Variants in SLX4IP observed in about 807,000 individuals in gnomAD.
The protein encoded by SLX4IP is protein SLX4IP.
SLX4IP carries 34 observed loss-of-function variants against 32.9 expected under a neutral mutation model. The ratio of observed to expected loss-of-function variants is 1.03; its 90% CI spans 0.79 to 1.38. SLX4IP has a LOEUF of 1.38. Ranked by LOEUF, SLX4IP falls within the 40% of genes most tolerant of loss-of-function variation. The pLI, the probability that SLX4IP is intolerant of heterozygous loss-of-function variation, is 0.00. For synonymous variants in SLX4IP, 172 were observed against 171.7 expected, an observed-to-expected ratio of 1.00 and a Z score of -0.01; for missense variants, 444 against 479.0, an observed-to-expected ratio of 0.93 and a Z score of 0.68.
chr20:10,560,504 C>T (rs796140327), intron 3 of SLX4IP, among the ~76,000 whole-genome samples, 196 bp from the exon 4 acceptor site: 2 of 152,308 alleles, frequency 1.3e-5, no homozygotes, highest in African/African-American at 4.8e-5. Context: ...GAGCCAACAT[C>T]ATGGTTTCGA....
chr20:10,464,361 T>G (rs2065363205), intron 2 of SLX4IP, among the ~76,000 whole-genome samples: 1 of 152,106 alleles, frequency 6.6e-6, no homozygotes, highest in Non-Finnish European at 1.5e-5. Context: ...TATGTGTCTA[T>G]GCATTAATAT....
At chr20:10,474,786 T>C (rs555138413) in intron 2 of SLX4IP, among the ~76,000 whole-genome samples, 205 of 151,950 alleles carry the variant, frequency 1.3e-3, no homozygotes, top group African/African-American at 4.7e-3. Flanking sequence ...GAATCAGAGG[T>C]GTTGGGGGTG....
At chr20:10,603,881 C>T (rs1317208719) in intron 6 of SLX4IP, among the ~76,000 whole-genome samples, 1 of 152,180 alleles carries the variant, frequency 6.6e-6, no homozygotes, top group Admixed American at 6.5e-5. Flanking sequence ...CCAACTACAC[C>T]ATCCTTCCAC....
At chr20:10,460,863 T>C (rs1381243575) in intron 2 of SLX4IP, among the ~76,000 whole-genome samples, 3 of 152,216 alleles carry the variant, frequency 2.0e-5, no homozygotes, top group Non-Finnish European at 4.4e-5. Flanking sequence ...CTGTCTTTCT[T>C]CTCTGATTGC....
chr20:10,547,854 T>C (rs751225322), intron 2 of SLX4IP, among the ~76,000 whole-genome samples: 102 of 152,162 alleles, frequency 6.7e-4, no homozygotes, highest in Non-Finnish European at 1.1e-3. Context: ...GTACTAGACA[T>C]TGACAACCCA....
intron 2 of SLX4IP, among the ~76,000 whole-genome samples, chr20:10,484,793 C>A (rs1393232420): frequency 1.3e-5 from 2 of 152,126 alleles, no homozygotes; most frequent in African/African-American, 4.8e-5. Context: ...CACAGGGCCT[C>A]ATATAATCCC....
At chr20:10,548,134 T>C in intron 2 of SLX4IP, among the ~76,000 whole-genome samples, 1 of 152,048 alleles carries the variant, frequency 6.6e-6, no homozygotes, top group East Asian at 1.9e-4. Flanking sequence ...AGAAAGGAGG[T>C]GGTTCAACGC....
chr20:10,577,310 C>T (rs2066534111), intron 4 of SLX4IP, among the ~76,000 whole-genome samples: 1 of 152,098 alleles, frequency 6.6e-6, no homozygotes, highest in African/African-American at 2.4e-5. Context: ...GCTTTCCCCC[C>T]TTCATTTTTA....
At chr20:10,504,868 G>A (rs896480556) in intron 2 of SLX4IP, among the ~76,000 whole-genome samples, 22 of 152,112 alleles carry the variant, frequency 1.4e-4, no homozygotes, top group East Asian at 9.7e-4. Context: ...TATTTATGCC[G>A]TTCTCATAGC....
intron 2 of SLX4IP, among the ~76,000 whole-genome samples, chr20:10,461,645 C>G (rs575502995): frequency 6.6e-5 from 10 of 152,240 alleles, no homozygotes; most frequent in Non-Finnish European, 1.3e-4. Flanking sequence ...CAGCAGGAGA[C>G]CTGCACACCT....
intron 2 of SLX4IP, among the ~76,000 whole-genome samples, chr20:10,548,244 CT>C (rs373925213): frequency 5.5e-4 from 82 of 149,258 alleles, no homozygotes; most frequent in Non-Finnish European, 9.1e-4. Flanking sequence ...TCCAGGGCTT[CT>C]TTTTTTTTTC....
chr20:10,469,376 G>C (rs1484394490), intron 2 of SLX4IP, among the ~76,000 whole-genome samples: 1 of 151,766 alleles, frequency 6.6e-6, no homozygotes, highest in African/African-American at 2.4e-5. Flanking sequence ...GTTCCACTTT[G>C]AAAATATTTT....
In SLX4IP at chr20:10,490,560, C is replaced by T. The variant is rs541808891; in HGVS notation, c.27+32329C>T. On this transcript the variant is annotated intron_variant, in intron 2 of 7. Transcript: ENST00000334534. ...AGTTAGTTTGTGAATTTTCCTGACT[C>T]TACTTCCTGCTCTTTTTTTGGGTAA... Among the ~76,000 whole-genome samples the T allele has an allele frequency of 2.6e-5, 4 of 152,280 alleles. No homozygotes were observed. The South Asian group carries it at 6.2e-4, about 24-fold the overall frequency.
At chr20:10,525,496 A>G (rs1336983620) in intron 2 of SLX4IP, among the ~76,000 whole-genome samples, 1 of 152,100 alleles carries the variant, frequency 6.6e-6, no homozygotes, top group African/African-American at 2.4e-5. Flanking sequence ...TTATATAAGT[A>G]TTTTTACCGC....
chr20:10,563,807 A>T (rs913366210), intron 4 of SLX4IP, among the ~76,000 whole-genome samples: 1 of 152,112 alleles, frequency 6.6e-6, no homozygotes, highest in Non-Finnish European at 1.5e-5. Flanking sequence ...TGGTTACTAT[A>T]GCTTTGTAGT....
In SLX4IP at chr20:10,618,284, G is replaced by A. The variant is rs2067062913; in HGVS notation, c.406-3030G>A. Reference sequence around the variant, plus strand: ...TAGGCTGCTTAGGTTGCTGAGGGAGGGTATCTCCCTAGAGGCCAGGGCTTT... The same window carrying A: ...TAGGCTGCTTAGGTTGCTGAGGGAGAGTATCTCCCTAGAGGCCAGGGCTTT... On this transcript the variant is annotated intron_variant, in intron 6 of 7. Transcript: ENST00000334534. Among the ~76,000 whole-genome samples the A allele has an allele frequency of 2.0e-5, 3 of 152,140 alleles. No individual in the cohort carries two copies. In the South Asian group the frequency reaches 6.2e-4, roughly 32 times the overall value.
At chr20:10,455,245 A>G (rs1429840997) in intron 1 of SLX4IP, among the ~76,000 whole-genome samples, 1 of 152,072 alleles carries the variant, frequency 6.6e-6, no homozygotes, top group African/African-American at 2.4e-5. Context: ...CTAATTTACT[A>G]ATTGTGTTTG....
rs1379618757 is a variant in SLX4IP, at chr20:10,627,294, T to A, written c.*3915T>A. ...TGTCAAGACAAGAGAATTCATTCCT[T>A]ATTATTGAAACATTAATGAACTGAA... On this transcript the variant is annotated 3_prime_UTR_variant, in exon 8 of 8. Transcript: ENST00000334534. 1 of 152,216 alleles carries A rather than the reference T, an allele frequency of 6.6e-6. No homozygotes were observed. The highest frequency in any genetic ancestry group is 6.5e-5 in the Admixed American group (1 of 15,276). The allele number at this position is 152,216 out of a possible 1,614,324, so 9.4% of individuals were successfully genotyped here.
At chr20:10,512,649 AT>A (rs1037506619) in intron 2 of SLX4IP, among the ~76,000 whole-genome samples, 34 of 143,390 alleles carry the variant, frequency 2.4e-4, no homozygotes, top group Admixed American at 6.4e-4. Flanking sequence ...TATATATAGT[AT>A]TTTTTATATA....
Sources: allele counts gnomAD v4.1 joint callset (sites outside exome capture counted in the v4.1 genomes callset), GRCh38; gene constraint gnomAD v4.1.1; transcripts MANE v1.5; gene names NCBI Gene and HGNC (gene_info 2026-07-23, HGNC 2026-07-21).